The following MCTP2 variants were observed in gnomAD, a reference collection of about 807,000 sequenced individuals.
MCTP2 encodes multiple C2 and transmembrane domain-containing protein 2.
A neutral mutation model predicts 111.6 loss-of-function variants in MCTP2; 132 were observed. The observed-to-expected ratio is 1.18, with a 90% CI of 1.03 to 1.37. The LOEUF (loss-of-function observed/expected upper bound fraction) is 1.37. MCTP2 is among the 40% of genes most tolerant of loss of function. The pLI is 0.00. For missense variants in MCTP2, 1,183 were observed against 1,067.9 expected, an observed-to-expected ratio of 1.11 and a Z score of -1.50; for synonymous variants, 395 against 387.7, an observed-to-expected ratio of 1.02 and a Z score of -0.22.
intron 4 of MCTP2, among the ~76,000 whole-genome samples, chr15:94,333,694 T>C (rs1011885713): frequency 3.3e-5 from 5 of 152,226 alleles, no homozygotes; most frequent in Non-Finnish European, 5.9e-5. Context: ...TTCCTGATGA[T>C]AGACTTGAGT....
In MCTP2 at chr15:94,440,152, T is replaced by TG. The variant is rs755548652; in HGVS notation, c.2086-24_2086-23insG. ...CCTAGTGTTTTATCAAGCAGTCGTG[T>TG]ATTCTTATTTGTCTTTCAATCAGGT... On this transcript the variant is annotated intron_variant, in intron 17 of 22. Transcript: ENST00000357742. 2.5e-6 allele frequency: 4 copies of TG among 1,611,326 alleles called. No individual in the cohort carries two copies. The African/African-American group carries it at 5.3e-5, about 22-fold the overall frequency.
chr15:94,245,111 T>C (rs2071707811), intron 1 of MCTP2, among the ~76,000 whole-genome samples: 2 of 149,488 alleles, frequency 1.3e-5, no homozygotes, highest in African/African-American at 4.9e-5. Flanking sequence ...TATGTTTATA[T>C]ATGTATATGT....
At position 94,376,409 on chromosome 15, in the gene MCTP2, A is replaced by C. The variant is rs145763289; in HGVS notation, c.1582+6229A>C. On this transcript the variant is annotated intron_variant, in intron 12 of 22. Transcript: ENST00000357742. ...GTCTCTCATTTTAATCCCTATGTCT[A>C]ATGACATGGGAGATATACAGAAGCA... Among the ~76,000 whole-genome samples the C allele has an allele frequency of 2.2e-4, 34 of 152,232 alleles. No individual in the cohort carries two copies. In the East Asian group the frequency reaches 6.2e-3, roughly 28 times the overall value.
chr15:94,403,017 A>T (rs1596599118), intron 17 of MCTP2: 1 of 997,988 alleles, frequency 1.0e-6, no homozygotes, highest in East Asian at 1.0e-4. Context: ...TATTAGCCCA[A>T]GAAGCCAATG....
At chr15:94,451,218 A>G (rs888828370) in intron 19 of MCTP2, among the ~76,000 whole-genome samples, 4 of 152,136 alleles carry the variant, frequency 2.6e-5, no homozygotes, top group Admixed American at 6.5e-5. Context: ...TCTTCATATG[A>G]TATATATTTT....
In MCTP2 at chr15:94,391,081, A is replaced by G. The variant is rs115327537; in HGVS notation, c.1788+5556A>G. ...GAGTCCTTCTGTGTGAGCCAGGCCA[A>G]TGTCACAAATGACTGTATAATCAGA... On this transcript the variant is annotated intron_variant, in intron 14 of 22. Transcript: ENST00000357742. 6.2e-3 allele frequency among the ~76,000 whole-genome samples: 949 copies of G among 151,986 alleles called. 5 individuals are homozygous for G. The highest frequency in any genetic ancestry group is 0.02 in the African/African-American group (831 of 41,468).
intron 10 of MCTP2, among the ~76,000 whole-genome samples, chr15:94,361,728 A>G (rs941544418): frequency 6.6e-6 from 1 of 152,130 alleles, no homozygotes; most frequent in Admixed American, 6.5e-5. Flanking sequence ...ATTTTTTGAT[A>G]TTTTTTGGTA....
At chr15:94,304,975 A>G (rs189733582) in intron 2 of MCTP2, among the ~76,000 whole-genome samples, 2 of 152,256 alleles carry the variant, frequency 1.3e-5, no homozygotes, top group African/African-American at 4.8e-5. Flanking sequence ...ATATCTTATC[A>G]TGGTGGCCTG....
At chr15:94,351,902 T>G (rs1266494165) in intron 8 of MCTP2, among the ~76,000 whole-genome samples, 1 of 152,154 alleles carries the variant, frequency 6.6e-6, no homozygotes, top group African/African-American at 2.4e-5. Flanking sequence ...CCTCCTGACC[T>G]CTCTGCCACT....
chr15:94,283,569 C>G (rs1312818750), intron 1 of MCTP2, among the ~76,000 whole-genome samples: 1 of 152,182 alleles, frequency 6.6e-6, no homozygotes, highest in East Asian at 1.9e-4. Context: ...TCATTCACCC[C>G]TTTCCTAGGA....
chr15:94,281,095 T>C (rs1235523863), intron 1 of MCTP2, among the ~76,000 whole-genome samples: 1 of 152,146 alleles, frequency 6.6e-6, no homozygotes, highest in African/African-American at 2.4e-5. Context: ...TTTGGTCAAG[T>C]GTTGAGTTTA....
intron 2 of MCTP2, among the ~76,000 whole-genome samples, chr15:94,303,008 A>G (rs2075697790): frequency 7.0e-6 from 1 of 141,880 alleles, no homozygotes; most frequent in Non-Finnish European, 1.5e-5. Flanking sequence ...GGGAGAGAGC[A>G]TGGACAAGGA....
chr15:94,246,718 A>G (rs965466398), intron 1 of MCTP2, among the ~76,000 whole-genome samples: 1 of 152,256 alleles, frequency 6.6e-6, no homozygotes, highest in African/African-American at 2.4e-5. Context: ...GAGAAATGAT[A>G]GAAAACTAGG....
intron 17 of MCTP2, among the ~76,000 whole-genome samples, chr15:94,439,306 T>C (rs1017616649): frequency 2.0e-5 from 3 of 152,178 alleles, no homozygotes; most frequent in African/African-American, 7.2e-5. Flanking sequence ...CTTTTCTAAG[T>C]TGATATGTTA....
intron 1 of MCTP2, among the ~76,000 whole-genome samples, chr15:94,237,880 T>C (rs1012656977): frequency 6.6e-6 from 1 of 152,194 alleles, no homozygotes; most frequent in African/African-American, 2.4e-5. Context: ...GAACATTTCC[T>C]TTCTATTGAT....
At chr15:94,245,982 A>G (rs753088351) in intron 1 of MCTP2, among the ~76,000 whole-genome samples, 9 of 152,104 alleles carry the variant, frequency 5.9e-5, no homozygotes, top group Non-Finnish European at 1.2e-4. Flanking sequence ...TCTTCGGAGC[A>G]GAGAGGATTT....
At chr15:94,285,535 C>T (rs1445785981) in intron 1 of MCTP2, among the ~76,000 whole-genome samples, 2 of 151,978 alleles carry the variant, frequency 1.3e-5, no homozygotes, top group Non-Finnish European at 2.9e-5. Context: ...TTGAATGGTA[C>T]ATTAACTTCG....
chr15:94,458,048 C>T, intron 19 of MCTP2, 89 bp from the exon 20 acceptor site: 5 of 732,608 alleles, frequency 6.8e-6, no homozygotes, highest in Non-Finnish European at 1.2e-5. Flanking sequence ...TGGTAAAAAC[C>T]TTGTTATTAT....
intron 1 of MCTP2, among the ~76,000 whole-genome samples, chr15:94,269,434 T>C (rs1467361458): frequency 6.6e-6 from 1 of 152,236 alleles, no homozygotes; most frequent in Non-Finnish European, 1.5e-5. Flanking sequence ...AGACAGATAA[T>C]AGAGTAGATT....
Sources: allele counts gnomAD v4.1 joint callset (sites outside exome capture counted in the v4.1 genomes callset), GRCh38; gene constraint gnomAD v4.1.1; transcripts MANE v1.5; gene names NCBI Gene and HGNC (gene_info 2026-07-23, HGNC 2026-07-21).